The following UIMC1 variants were observed in gnomAD, a reference collection of about 807,000 sequenced individuals.
UIMC1 encodes the protein BRCA1-A complex subunit RAP80.
A neutral mutation model predicts 84.9 loss-of-function variants in UIMC1; 42 were observed. The ratio of observed to expected loss-of-function variants is 0.49; its 90% CI spans 0.39 to 0.64. The LOEUF (loss-of-function observed/expected upper bound fraction) is 0.64, where lower values mean the gene tolerates loss of function less well. Ranked by LOEUF, UIMC1 falls within the 30% of genes least tolerant of loss-of-function variation. The probability of loss-of-function intolerance (pLI) is 0.00; values close to 1 mark genes in which losing one functional copy is unlikely to be tolerated. For synonymous variants in UIMC1, 281 were observed against 293.0 expected (o/e 0.96, Z 0.42); for missense variants, 825 against 847.6 (o/e 0.97, Z 0.33).
intron 6 of UIMC1, among the ~76,000 whole-genome samples, chr5:176,960,616 CCTCCCCCTCCCCCTCCGTCTCCGT>C (rs1436376556): frequency 1.8e-4 from 2 of 10,846 alleles, no homozygotes; most frequent in Non-Finnish European, 2.9e-4. Flanking sequence ...TCCCTCTCCC[CCTCCCCCTCCCCCTCCGTCTCCGT>C]CTCCGTCTCC....
chr5:176,931,765 T>A lies in UIMC1; in HGVS notation c.1597+11570A>T, dbSNP rs551286756. Among the ~76,000 whole-genome samples, 9 of 152,152 alleles carry A rather than the reference T, an allele frequency of 5.9e-5. No homozygotes were observed. In the East Asian group the frequency reaches 1.6e-3, roughly 26 times the overall value. ...ACTTCAGGAGGCCAAGGCAGATGGATCACGAAGTCAGGAGTTCAAGACCAG... is the reference window on the plus strand; with the variant it reads ...ACTTCAGGAGGCCAAGGCAGATGGAACACGAAGTCAGGAGTTCAAGACCAG... On this transcript the variant is annotated intron_variant, in intron 10 of 14. Coordinates refer to ENST00000511320, the MANE Select transcript of UIMC1 (RefSeq NM_001199298.2).
At chr5:177,005,345 G>C (rs929906507) in intron 1 of UIMC1, among the ~76,000 whole-genome samples, 3 of 152,082 alleles carry the variant, frequency 2.0e-5, no homozygotes, top group Admixed American at 1.3e-4. Flanking sequence ...AAAGTGCTGG[G>C]AGTATAGGAG....
chr5:177,005,963 G>A (rs1775200727), intron 1 of UIMC1, among the ~76,000 whole-genome samples: 1 of 152,166 alleles, frequency 6.6e-6, no homozygotes, highest in Non-Finnish European at 1.5e-5. Flanking sequence ...GCCCTGCGGG[G>A]GCGAAATCGT....
At chr5:176,990,929 C>T (rs745907824) in intron 1 of UIMC1, among the ~76,000 whole-genome samples, 3 of 152,078 alleles carry the variant, frequency 2.0e-5, no homozygotes, top group Non-Finnish European at 4.4e-5. Flanking sequence ...GCCTTGGCCT[C>T]CTAAAATGCT....
At chr5:177,018,351 A>T (rs181563465) in intron 1 of UIMC1, among the ~76,000 whole-genome samples, 6 of 151,366 alleles carry the variant, frequency 4.0e-5, no homozygotes, top group Non-Finnish European at 8.9e-5. Flanking sequence ...CTCTGTCTCA[A>T]AAAAAAAAGA....
In UIMC1 at chr5:177,013,361, AACACACACACACAC is replaced by A. The variant is rs6149367; in HGVS notation, c.-9+9089_-9+9102del. Among the ~76,000 whole-genome samples, 86 of 137,816 alleles carry A rather than the reference AACACACACACACAC, an allele frequency of 6.2e-4. No homozygotes were observed. In the East Asian group the frequency reaches 7.2e-3, roughly 12 times the overall value. The allele number at this position is 137,816 out of a possible 152,430, so 90.4% of individuals were successfully genotyped here. Reference sequence around the variant, plus strand: ...GGACAACAGAGCAAGACTGCATCCAAACACACACACACACACACACACACACACACACACACACA... The same window carrying A: ...GGACAACAGAGCAAGACTGCATCCAAACACACACACACACACACACACACA... On this transcript the variant is annotated intron_variant, in intron 1 of 5. Transcript: ENST00000509236.
intron 1 of UIMC1, among the ~76,000 whole-genome samples, chr5:177,016,817 G>A (rs1378260768): frequency 1.3e-5 from 2 of 152,082 alleles, no homozygotes; most frequent in Non-Finnish European, 2.9e-5. Context: ...GAGGTCAGGA[G>A]TTCAAGACCA....
chr5:176,954,606 G>C (rs1766346299), intron 8 of UIMC1, among the ~76,000 whole-genome samples: 1 of 151,786 alleles, frequency 6.6e-6, no homozygotes, highest in African/African-American at 2.4e-5. Context: ...TTTAAAATTA[G>C]TTAGGTGTGG....
chr5:177,006,092 G>A (rs1036954454), intron 1 of UIMC1, among the ~76,000 whole-genome samples: 8 of 152,316 alleles, frequency 5.3e-5, no homozygotes, highest in Middle Eastern at 6.8e-3. Context: ...CGCGGGCCTG[G>A]CGCCCCGAGG....
Position 176,943,425 on chromosome 5 carries a change from C to A in UIMC1, c.1507G>T (p.Val503Leu). The change falls in exon 10 of 15, where the codon GTA becomes TTA. Residue 503 changes from valine (V) to leucine (L), a missense_variant. Transcript: ENST00000511320. ...CATTGGTCACATAGCGGGCAGGATACCTGGTTACTGGATGAGAAGGTAGAA... is the reference window on the plus strand; with the variant it reads ...CATTGGTCACATAGCGGGCAGGATAACTGGTTACTGGATGAGAAGGTAGAA... ...AISTFSSSNQ[V>L]SCPLCDQCFP... is the part of the protein sequence containing the mutation. 2 of 1,614,172 alleles carry A rather than the reference C, an allele frequency of 1.2e-6. No individual in the cohort carries two copies. Among genetic ancestry groups the A allele is most frequent in the Non-Finnish European group, 1.7e-6 (2 of 1,180,022 alleles).
At chr5:176,949,985 G>A (rs1173652916) in intron 9 of UIMC1, among the ~76,000 whole-genome samples, 1 of 151,750 alleles carries the variant, frequency 6.6e-6, no homozygotes, top group Admixed American at 6.6e-5. Context: ...ACTCCGGGAG[G>A]TGGAGATTGC....
At chr5:176,950,330 C>T (rs1765705008) in intron 9 of UIMC1, among the ~76,000 whole-genome samples, 2 of 150,822 alleles carry the variant, frequency 1.3e-5, no homozygotes, top group Non-Finnish European at 3.0e-5. Flanking sequence ...AATCTCTTGA[C>T]CTCGTGATCC....
intron 1 of UIMC1, among the ~76,000 whole-genome samples, chr5:176,983,901 T>G (rs1771461744): frequency 8.0e-6 from 1 of 125,468 alleles, no homozygotes; most frequent in African/African-American, 3.1e-5. Flanking sequence ...ATCTGGGATG[T>G]GAGGAGCACC....
intron 1 of UIMC1, among the ~76,000 whole-genome samples, chr5:177,013,465 T>C (rs1775604008): frequency 6.6e-6 from 1 of 151,918 alleles, no homozygotes; most frequent in Non-Finnish European, 1.5e-5. Context: ...AAACTACCAT[T>C]ACCCTAATCC....
chr5:177,015,323 T>C (rs1262126683), intron 1 of UIMC1, among the ~76,000 whole-genome samples: 2 of 152,180 alleles, frequency 1.3e-5, no homozygotes, highest in Admixed American at 1.3e-4. Flanking sequence ...CATGTCAAGC[T>C]AAGTACCACA....
chr5:176,996,315 C>T (rs1773606296), intron 1 of UIMC1, among the ~76,000 whole-genome samples: 1 of 152,090 alleles, frequency 6.6e-6, no homozygotes, highest in African/African-American at 2.4e-5. Flanking sequence ...TGGTAAGGGG[C>T]AGGAGGGTAA....
intron 10 of UIMC1, among the ~76,000 whole-genome samples, chr5:176,931,301 T>G (rs1309434536): frequency 2.0e-5 from 3 of 152,258 alleles, no homozygotes; most frequent in African/African-American, 7.2e-5. Flanking sequence ...GACTAGATCA[T>G]GAAGTGAAGA....
chr5:176,969,263 C>T lies in UIMC1; in HGVS notation c.492G>A (p.Leu164=). The T allele has an allele frequency of 1.9e-6, 3 of 1,613,974 alleles. No individual in the cohort carries two copies. Among genetic ancestry groups the T allele is most frequent in the Non-Finnish European group, 2.5e-6 (3 of 1,179,970 alleles). The change falls in exon 6 of 15, where the codon CTG becomes CTA. Residue 164 remains leucine (L), a synonymous_variant. Coordinates refer to ENST00000511320, the MANE Select transcript of UIMC1 (RefSeq NM_001199298.2). ...CCTGACTGATATGTGAGCCTTTAAA[C>T]AGTGATGGAGGTACCAGCTGCCATA... ...EGIWQLVPPS[L]FKGSHISQGN... is the part of the protein sequence containing the mutation.
intron 10 of UIMC1, among the ~76,000 whole-genome samples, chr5:176,940,456 A>G (rs866419595): frequency 2.6e-5 from 4 of 152,188 alleles, no homozygotes; most frequent in South Asian, 2.1e-4. Flanking sequence ...GTTGTATTGA[A>G]TAAGTCATTG....
Sources: gnomAD v4.1 joint callset for allele counts (sites outside exome capture counted in the v4.1 genomes callset) on GRCh38, gnomAD v4.1.1 for gene constraint, MANE v1.5 for transcripts, NCBI Gene and HGNC (gene_info 2026-07-23, HGNC 2026-07-21) for gene names.